Variants in KCNH5 observed in about 807,000 individuals in gnomAD.
KCNH5 encodes the protein potassium voltage-gated channel subfamily H member 5, also known as voltage-gated delayed rectifier potassium channel KCNH5.
Under a neutral mutation model 96.1 loss-of-function variants are expected in KCNH5, and 46 were observed. The ratio of observed to expected loss-of-function variants is 0.48; its 90% confidence interval spans 0.38 to 0.61. The LOEUF is 0.61. Among genes scored for constraint, KCNH5 ranks in the 20% least tolerant of loss-of-function variants. KCNH5 has a pLI of 0.00. For missense variants in KCNH5, 907 were observed against 1,225.8 expected, an observed-to-expected ratio of 0.74 and a Z score of 3.88; for synonymous variants, 439 against 449.8, an observed-to-expected ratio of 0.98 and a Z score of 0.30.
Position 62,724,091 on chromosome 14 carries a change from C to T in KCNH5, c.2020-15636G>A, listed in dbSNP as rs192414542. ...TAATCCAGAGGAGACAGTATTTCCT[C>T]GCCTTTCACAGATCAGAAAGTAATG... On this transcript the variant is annotated intron_variant, in intron 10 of 10. Coordinates refer to ENST00000322893, the MANE Select transcript of KCNH5 (RefSeq NM_139318.5). Among the ~76,000 whole-genome samples the T allele has an allele frequency of 1.7e-3, 256 of 152,262 alleles. 2 individuals carry two copies. The highest frequency in any genetic ancestry group is 6.0e-3 in the African/African-American group (251 of 41,576).
At chr14:62,898,446 C>T (rs942941370) in intron 7 of KCNH5, among the ~76,000 whole-genome samples, 7 of 151,660 alleles carry the variant, frequency 4.6e-5, no homozygotes, top group Non-Finnish European at 7.4e-5. Flanking sequence ...AAATAGTAAA[C>T]GAGAAAAAAG....
chr14:63,035,383 C>T (rs752094666), intron 1 of KCNH5, among the ~76,000 whole-genome samples: 2 of 152,216 alleles, frequency 1.3e-5, no homozygotes, highest in African/African-American at 2.4e-5. Context: ...AATGCATTCA[C>T]AATCCAGTTA....
rs1035511175 is a variant in KCNH5, at chr14:62,937,836, G to T, written c.1369+12297C>A. On this transcript the variant is annotated intron_variant, in intron 7 of 10. Coordinates refer to ENST00000322893, the MANE Select transcript of KCNH5 (RefSeq NM_139318.5). ...AAAGGGCACAGGATGAAGGAATTTGGAGTGTCAGTGTGTGCCTGGGGAGGA... is the reference window on the plus strand; with the variant it reads ...AAAGGGCACAGGATGAAGGAATTTGTAGTGTCAGTGTGTGCCTGGGGAGGA... Among the ~76,000 whole-genome samples the T allele has an allele frequency of 2.6e-5, 4 of 152,268 alleles. No homozygotes were observed. In the South Asian group the frequency reaches 6.2e-4, roughly 24 times the overall value.
chr14:62,919,613 C>T (rs990732495), intron 7 of KCNH5, among the ~76,000 whole-genome samples: 1 of 151,922 alleles, frequency 6.6e-6, no homozygotes. Flanking sequence ...TAACACTTAT[C>T]TAGTAAGATT....
intron 6 of KCNH5, among the ~76,000 whole-genome samples, chr14:62,964,934 A>G (rs890674206): frequency 2.6e-4 from 40 of 152,138 alleles, no homozygotes; most frequent in African/African-American, 9.4e-4. Context: ...CTACTATTGC[A>G]ACGGTCTTGA....
chr14:62,957,031 T>C (rs1244815652), intron 6 of KCNH5, among the ~76,000 whole-genome samples: 2 of 152,130 alleles, frequency 1.3e-5, no homozygotes, highest in African/African-American at 4.8e-5. Flanking sequence ...ATCAAATACA[T>C]CAAGTGCATA....
intron 7 of KCNH5, among the ~76,000 whole-genome samples, chr14:62,856,163 GGCCTTCA>G (rs1388950724): frequency 1.3e-5 from 2 of 152,000 alleles, no homozygotes; most frequent in Non-Finnish European, 2.9e-5. Flanking sequence ...ACTGTAACCT[GGCCTTCA>G]CTCTTATAAA....
intron 8 of KCNH5, among the ~76,000 whole-genome samples, chr14:62,821,857 C>T (rs1024481791): frequency 6.6e-6 from 1 of 152,124 alleles, no homozygotes; most frequent in Middle Eastern, 3.4e-3. Context: ...CTACTTTGTG[C>T]CCATGGCAGA....
intron 8 of KCNH5, among the ~76,000 whole-genome samples, chr14:62,833,458 G>T (rs1326272663): frequency 1.3e-5 from 2 of 151,944 alleles, no homozygotes; most frequent in Non-Finnish European, 2.9e-5. Flanking sequence ...TATGTGCATG[G>T]GTTTATTTAT....
intron 3 of KCNH5, among the ~76,000 whole-genome samples, chr14:63,003,624 A>ATATAT (rs1491457497): frequency 4.3e-5 from 4 of 92,854 alleles, no homozygotes; most frequent in African/African-American, 1.9e-4. Flanking sequence ...ATATATATAT[A>ATATAT]TTTTTTTTTT....
At chr14:62,914,194 A>C (rs1889228352) in intron 7 of KCNH5, among the ~76,000 whole-genome samples, 1 of 152,244 alleles carries the variant, frequency 6.6e-6, no homozygotes. Context: ...GAAATCGTTA[A>C]TAACCATCTC....
intron 4 of KCNH5, among the ~76,000 whole-genome samples, chr14:63,000,801 G>A (rs1354434118): frequency 3.3e-5 from 5 of 152,152 alleles, no homozygotes; most frequent in African/African-American, 9.7e-5. Context: ...TCAGCCAGGT[G>A]TATGGCCCAC....
chr14:62,850,994 G>A (rs1297075447), intron 7 of KCNH5, among the ~76,000 whole-genome samples: 1 of 152,158 alleles, frequency 6.6e-6, no homozygotes, highest in Admixed American at 6.5e-5. Flanking sequence ...CCATTTGATG[G>A]AAGTGGTATA....
intron 6 of KCNH5, among the ~76,000 whole-genome samples, chr14:62,973,332 G>C (rs1007796735): frequency 6.6e-6 from 1 of 152,154 alleles, no homozygotes; most frequent in Non-Finnish European, 1.5e-5. Flanking sequence ...GTAGCGCTAT[G>C]GTTTGATTGG....
At chr14:62,741,558 T>C (rs1885271677) in intron 10 of KCNH5, among the ~76,000 whole-genome samples, 1 of 152,066 alleles carries the variant, frequency 6.6e-6, no homozygotes, top group South Asian at 2.1e-4. Flanking sequence ...CCCAACCCAA[T>C]GATAACATAA....
chr14:62,853,681 T>C (rs1887870028), intron 7 of KCNH5, among the ~76,000 whole-genome samples: 1 of 151,388 alleles, frequency 6.6e-6, no homozygotes, highest in Non-Finnish European at 1.5e-5. Context: ...CCTCACTTGG[T>C]CTGTTTCCGC....
intron 1 of KCNH5, among the ~76,000 whole-genome samples, chr14:63,036,890 G>GA (rs1891731952): frequency 6.6e-6 from 1 of 151,976 alleles, no homozygotes; most frequent in African/African-American, 2.4e-5. Context: ...TGCAAAGTCA[G>GA]AAAAAATATG....
intron 1 of KCNH5, among the ~76,000 whole-genome samples, 153 bp downstream of exon 1, chr14:63,044,961 C>G (rs1010854245): frequency 5.9e-5 from 9 of 152,142 alleles, no homozygotes; most frequent in Non-Finnish European, 1.2e-4. Context: ...CCACCCCACC[C>G]CACCCCAAAT....
rs756083906 is a variant in KCNH5, at chr14:62,708,028, T to C, written c.2447A>G (p.Asn816Ser). 1.9e-6 allele frequency: 3 copies of C among 1,614,256 alleles called. No individual in the cohort carries two copies. The highest frequency in any genetic ancestry group is 2.7e-5 in the African/African-American group (2 of 75,066). The change falls in exon 11 of 11, where the codon AAT becomes AGT. Residue 816 changes from asparagine to serine, a missense_variant. Around this residue, in one of 6 missense-constraint regions of KCNH5, gnomAD observed 362 missense variants for 394.4 expected, o/e 0.92. Transcript: ENST00000322893. Reference protein sequence around the residue: ...GNGKGWLRLKNNMGAHEEKKE... With the variant: ...GNGKGWLRLKSNMGAHEEKKE... Reference sequence around the variant, plus strand: ...TTTCTCCTCATGGGCTCCCATATTATTCTTGAGTCGCAGCCACCCTTTTCC... The same window carrying C: ...TTTCTCCTCATGGGCTCCCATATTACTCTTGAGTCGCAGCCACCCTTTTCC...
Sources: gnomAD v4.1 joint callset for allele counts (sites outside exome capture counted in the v4.1 genomes callset) on GRCh38, gnomAD v4.1.1 for gene constraint, gnomAD v4.1.1 regional missense constraint, MANE v1.5 for transcripts, NCBI Gene and HGNC (gene_info 2026-07-23, HGNC 2026-07-21) for gene names.